The following HMMR variants were observed in gnomAD, a reference collection of about 807,000 sequenced individuals.
HMMR encodes the protein hyaluronan mediated motility receptor, also known as intracellular hyaluronic acid-binding protein.
Under a neutral mutation model 101.0 loss-of-function variants are expected in HMMR, and 108 were observed. The observed-to-expected ratio is 1.07, with a 90% CI of 0.92 to 1.25. The LOEUF is 1.25. Among genes scored for constraint, HMMR ranks in the 50% most tolerant of loss-of-function variants. HMMR has a pLI of 0.00. For synonymous variants in HMMR, 296 were observed against 276.4 expected, an observed-to-expected ratio of 1.07 and a Z score of -0.70; for missense variants, 813 against 788.7, an observed-to-expected ratio of 1.03 and a Z score of -0.37.
intron 4 of HMMR, 88 bp from the exon 5 acceptor site, chr5:163,469,553 C>T: frequency 9.3e-7 from 1 of 1,077,408 alleles, no homozygotes; most frequent in South Asian, 1.4e-5. Context: ...GAGATTTTTC[C>T]AGAAACTTTA....
At chr5:163,490,641 A>ACCACCG in intron 17 of HMMR, 89 bp downstream of exon 17, 1 of 1,008,680 alleles carries the variant, frequency 9.9e-7, no homozygotes, top group South Asian at 1.5e-5. Context: ...ATGAACTGTG[A>ACCACCG]AAATTTGTTG....
In HMMR at chr5:163,491,411, A is replaced by G. The variant is rs1292057105; in HGVS notation, c.*247A>G. On this transcript the variant is annotated 3_prime_UTR_variant, in exon 18 of 18. Transcript: ENST00000393915. ...CCTTTCGCTGGCTTTCCAGCTTAGA[A>G]TGCATCTCATCAACTTAAAAGTCAG... 4 of 348,794 alleles carry G rather than the reference A, an allele frequency of 1.1e-5. No individual in the cohort carries two copies. Among genetic ancestry groups the G allele is most frequent in the Non-Finnish European group, 2.1e-5 (4 of 194,628 alleles). The allele number at this position is 348,794 out of a possible 1,614,324, so 21.6% of individuals were successfully genotyped here. A position where few individuals can be genotyped will look rare whatever the true frequency, so the allele number is the denominator to read the frequency against.
chr5:163,461,183 G>A (rs1581183819), intron 1 of HMMR, among the ~76,000 whole-genome samples: 1 of 152,260 alleles, frequency 6.6e-6, no homozygotes, highest in East Asian at 1.9e-4. Flanking sequence ...CAGTTTATGG[G>A]TGTAAAATTA....
chr5:163,482,646 A>G lies in HMMR; in HGVS notation c.1390A>G (p.Lys464Glu). The change falls in exon 13 of 18, where the codon AAA becomes GAA. Residue 464 changes from lysine (K) to glutamate (E), a missense_variant. Coordinates refer to ENST00000393915, the MANE Select transcript of HMMR (RefSeq NM_001142556.2). ...EDVTAQFESY[K>E]ALTASEIEDL... ...CTTTTTTTTCTTTTTAATAAGCTAT[A>G]AAGCGTTAACAGCCAGTGAGATAGA... The G allele has an allele frequency of 6.2e-7, 1 of 1,607,608 alleles. No individual in the cohort carries two copies. The highest frequency in any genetic ancestry group is 8.5e-7 in the Non-Finnish European group (1 of 1,174,876).
At position 163,473,545 on chromosome 5, in the gene HMMR, G is replaced by T. The variant is rs762594434; in HGVS notation, c.892G>T (p.Glu298Ter). 10 of 1,556,680 alleles carry T rather than the reference G, an allele frequency of 6.4e-6. No homozygotes were observed. The highest frequency in any genetic ancestry group is 2.0e-5 in the Admixed American group (1 of 50,258). The change falls in exon 9 of 18, where the codon GAA (glutamate) becomes TAA (stop). Residue 298 changes from glutamate to a stop codon, truncating the protein, a stop_gained. Transcript: ENST00000393915. LOFTEE classifies it high-confidence loss of function. Reference sequence around the variant, plus strand: ...TCTAAATGTGAAATGTCAGCTGCTTGAAAAAGAAAAAGGTATTACAGTGTT... The same window carrying T: ...TCTAAATGTGAAATGTCAGCTGCTTTAAAAAGAAAAAGGTATTACAGTGTT... ...EDLNVKCQLL[E>*]KEKEDHVNRN...
At chr5:163,470,509 G>C (rs1311521966) in intron 5 of HMMR, among the ~76,000 whole-genome samples, 1 of 152,106 alleles carries the variant, frequency 6.6e-6, no homozygotes, top group African/African-American at 2.4e-5. Flanking sequence ...CGTAATTCCA[G>C]CTACTCAGGA....
intron 17 of HMMR, 91 bp downstream of exon 17, chr5:163,490,643 A>G: frequency 3.1e-6 from 3 of 977,958 alleles, no homozygotes; most frequent in Admixed American, 4.8e-5. Flanking sequence ...GAACTGTGAA[A>G]ATTTGTTGAC....
At chr5:163,482,920 C>G in intron 13 of HMMR, 100 bp from the exon 14 acceptor site, 1 of 1,334,528 alleles carries the variant, frequency 7.5e-7, no homozygotes, top group Non-Finnish European at 1.0e-6. Context: ...TAAAAAATGA[C>G]ACTTCTTGAA....
chr5:163,476,784 C>CT (rs1759082056), intron 11 of HMMR, among the ~76,000 whole-genome samples: 1 of 152,212 alleles, frequency 6.6e-6, no homozygotes, highest in South Asian at 2.1e-4. Context: ...AATCCCACCA[C>CT]TTTGGGAAGC....
chr5:163,462,896 CA>C (rs1480231615), intron 1 of HMMR, among the ~76,000 whole-genome samples: 1 of 150,608 alleles, frequency 6.6e-6, no homozygotes, highest in Non-Finnish European at 1.5e-5. Flanking sequence ...TAGGGGACAG[CA>C]GTAGTTGCCT....
At position 163,484,091 on chromosome 5, in the gene HMMR, T is replaced by C. The variant is rs755067881; in HGVS notation, c.1808T>C (p.Val603Ala). 5 of 1,595,138 alleles carry C rather than the reference T, an allele frequency of 3.1e-6. No individual in the cohort carries two copies. The East Asian group carries it at 9.1e-5, about 29-fold the overall frequency. The change falls in exon 16 of 18, where the codon GTA (valine) becomes GCA (alanine). Residue 603 changes from valine to alanine, a missense_variant. Coordinates refer to ENST00000393915, the MANE Select transcript of HMMR (RefSeq NM_001142556.2). ...PFQLQLDAFE[V>A]EKQALLNEHG... is the part of the protein sequence containing the mutation. ...CAGCTACAACTAGATGCTTTTGAAG[T>C]AGAAAAACAGGCATTGTTGAATGAA... is the stretch of plus-strand genomic sequence containing the variant.
At chr5:163,461,767 A>G (rs2113447326) in intron 1 of HMMR, among the ~76,000 whole-genome samples, 1 of 151,976 alleles carries the variant, frequency 6.6e-6, no homozygotes. Flanking sequence ...TGGGCGACAG[A>G]GCAAGACTCT....
intron 12 of HMMR, among the ~76,000 whole-genome samples, chr5:163,480,187 G>T (rs1158117308): frequency 6.6e-6 from 1 of 152,120 alleles, no homozygotes; most frequent in African/African-American, 2.4e-5. Flanking sequence ...AGATAACACT[G>T]TCCTGAAGTC....
At position 163,482,799 on chromosome 5, in the gene HMMR, C is replaced by A; in HGVS notation, c.1532+11C>A. ...TCAAGAATATGTAAGGTATATAGAG[C>A]AAATAATGGCCTTAGAACCATTAAG... is the stretch of plus-strand genomic sequence containing the variant. On this transcript the variant is annotated intron_variant, in intron 13 of 17. Coordinates refer to ENST00000393915, the MANE Select transcript of HMMR (RefSeq NM_001142556.2). 3 of 1,605,912 alleles carry A rather than the reference C, an allele frequency of 1.9e-6. No individual in the cohort carries two copies. Among genetic ancestry groups the A allele is most frequent in the Non-Finnish European group, 2.6e-6 (3 of 1,173,216 alleles).
At chr5:163,476,838 G>A (rs1759083843) in intron 11 of HMMR, among the ~76,000 whole-genome samples, 1 of 152,094 alleles carries the variant, frequency 6.6e-6, no homozygotes. Context: ...GACCAGCCTG[G>A]CCAACATGGT....
At chr5:163,473,921 C>A in intron 9 of HMMR, 136 bp from the exon 10 acceptor site, 2 of 697,084 alleles carry the variant, frequency 2.9e-6, no homozygotes, top group South Asian at 1.8e-5. Context: ...AGTAATGATA[C>A]AAAGTTCACA....
At position 163,483,334 on chromosome 5, in the gene HMMR, T is replaced by C. The variant is rs1257488764; in HGVS notation, c.1752T>C (p.Tyr584=). ...TEEINKWRLL[Y]EELYNKTKPF... ...AAATTAACAAGTGGCGTCTCCTCTA[T>C]GAAGAACTATATAATAAAACAAAAC... is the stretch of plus-strand genomic sequence containing the variant. The change falls in exon 15 of 18, where the codon TAT becomes TAC. Residue 584 remains tyrosine (Y), a synonymous_variant. Coordinates refer to ENST00000393915, the MANE Select transcript of HMMR (RefSeq NM_001142556.2). 1.2e-6 allele frequency: 2 copies of C among 1,604,112 alleles called. No individual in the cohort carries two copies. Among genetic ancestry groups the C allele is most frequent in the Non-Finnish European group, 1.7e-6 (2 of 1,171,810 alleles).
chr5:163,473,085 C>G (rs1758946717), intron 7 of HMMR, 94 bp from the exon 8 acceptor site: 2 of 646,882 alleles, frequency 3.1e-6, no homozygotes, highest in Non-Finnish European at 5.5e-6. Context: ...TGTAGTCAGC[C>G]TGCCTGATAC....
At chr5:163,485,283 T>A (rs1163311191) in intron 16 of HMMR, among the ~76,000 whole-genome samples, 2 of 152,188 alleles carry the variant, frequency 1.3e-5, no homozygotes, top group Admixed American at 1.3e-4. Flanking sequence ...CTCATACCAA[T>A]CTATATTCTA....
Sources: allele counts gnomAD v4.1 joint callset (sites outside exome capture counted in the v4.1 genomes callset), GRCh38; gene constraint gnomAD v4.1.1; transcripts MANE v1.5; gene names NCBI Gene and HGNC (gene_info 2026-07-23, HGNC 2026-07-21).